The following EEA1 variants were observed in gnomAD, a reference collection of about 807,000 sequenced individuals.
EEA1 encodes the protein early endosome antigen 1, also known as early endosome antigen 1, 162kD.
Under a neutral mutation model 209.2 loss-of-function variants are expected in EEA1, and 111 were observed. The ratio of observed to expected loss-of-function variants is 0.53; its 90% CI spans 0.45 to 0.62. The LOEUF (loss-of-function observed/expected upper bound fraction) is 0.62, where lower values mean the gene tolerates loss of function less well. Ranked by LOEUF, EEA1 falls within the 20% of genes least tolerant of loss-of-function variation. EEA1 has a pLI of 0.00. For missense variants in EEA1, 1,343 were observed against 1,530.8 expected (o/e 0.88, Z 2.05); for synonymous variants, 536 against 540.6 (o/e 0.99, Z 0.12).
chr12:92,923,695 T>G (rs1881100115), intron 1 of EEA1, among the ~76,000 whole-genome samples: 1 of 152,170 alleles, frequency 6.6e-6, no homozygotes, highest in Non-Finnish European at 1.5e-5. Context: ...CACATTGTTT[T>G]GTAATTATTT....
chr12:92,853,839 G>T lies in EEA1; in HGVS notation c.406+76C>A, dbSNP rs1877744037. On this transcript the variant is annotated intron_variant, in intron 6 of 28. Transcript: ENST00000322349. ...CCATGAAACAAAATTCATTTGGCAG[G>T]CATCAAAGAAAAAGAAAGGAAAACA... The T allele has an allele frequency of 7.0e-6, 9 of 1,281,944 alleles. No homozygotes were observed. The South Asian group carries it at 1.1e-4, about 16-fold the overall frequency. The allele number at this position is 1,281,944 out of a possible 1,614,324, so 79.4% of individuals were successfully genotyped here. A position where few individuals can be genotyped will look rare whatever the true frequency, so the allele number is the denominator to read the frequency against.
intron 2 of EEA1, among the ~76,000 whole-genome samples, chr12:92,883,074 CATTTGTTT>C (rs1211832956): frequency 6.6e-6 from 1 of 152,186 alleles, no homozygotes; most frequent in Non-Finnish European, 1.5e-5. Flanking sequence ...GCCTCACCAA[CATTTGTTT>C]TTTAATATTT....
chr12:92,789,980 C>T (rs573334117), intron 21 of EEA1, among the ~76,000 whole-genome samples: 4 of 152,324 alleles, frequency 2.6e-5, no homozygotes, highest in South Asian at 4.1e-4. Flanking sequence ...CTGCAGCCTC[C>T]GCTGGTGATA....
At chr12:92,917,618 C>T (rs898863882) in intron 1 of EEA1, among the ~76,000 whole-genome samples, 10 of 151,968 alleles carry the variant, frequency 6.6e-5, no homozygotes, top group Admixed American at 1.3e-4. Context: ...AAGGAACAAC[C>T]AGTACCAGCC....
chr12:92,777,232 G>C (rs1239621944), intron 27 of EEA1, among the ~76,000 whole-genome samples: 4 of 151,794 alleles, frequency 2.6e-5, no homozygotes, highest in African/African-American at 9.7e-5. Flanking sequence ...TGGTGACTCT[G>C]AGAATATACT....
intron 18 of EEA1, 105 bp downstream of exon 18, chr12:92,808,912 A>G (rs1416015018): frequency 4.5e-6 from 4 of 883,298 alleles, no homozygotes; most frequent in African/African-American, 1.7e-5. Flanking sequence ...TAAATATCTA[A>G]TAAGTCTTTA....
chr12:92,835,543 C>T (rs1470865062), intron 10 of EEA1: 2 of 210,348 alleles, frequency 9.5e-6, no homozygotes, highest in Non-Finnish European at 1.9e-5. Context: ...TCCCAAGTAG[C>T]TAAGACTACA....
Position 92,851,193 on chromosome 12 carries a change from T to A in EEA1, c.716A>T (p.Asn239Ile). 5 of 1,614,006 alleles carry A rather than the reference T, an allele frequency of 3.1e-6. No homozygotes were observed. Among genetic ancestry groups the A allele is most frequent in the Non-Finnish European group, 4.2e-6 (5 of 1,179,926 alleles). ...TTCTCGCTCACGTTCCAAGGTCATG[T>A]TATCCATTAGTGTTTGAACTTGGAC... is the stretch of plus-strand genomic sequence containing the variant. ...ELVQVQTLMD[N>I]MTLERERESE... is the part of the protein sequence containing the mutation. Residue 239 changes from asparagine (N) to isoleucine (I), a missense_variant, in exon 9 of 29, where the codon AAC (asparagine) becomes ATC (isoleucine). Around this residue, in one of 3 missense-constraint regions of EEA1, gnomAD observed 1,307 missense variants for 1,465.5 expected, o/e 0.89. Coordinates refer to ENST00000322349, the MANE Select transcript of EEA1 (RefSeq NM_003566.4).
At chr12:92,869,769 A>AG (rs1878556358) in intron 2 of EEA1, among the ~76,000 whole-genome samples, 2 of 137,258 alleles carry the variant, frequency 1.5e-5, no homozygotes, top group Non-Finnish European at 3.1e-5. Flanking sequence ...AAAAAAAAAA[A>AG]AAAAAAAAAA....
intron 17 of EEA1, among the ~76,000 whole-genome samples, chr12:92,809,638 C>T (rs1046200122): frequency 7.3e-5 from 11 of 149,784 alleles, no homozygotes; most frequent in Admixed American, 6.0e-4. Flanking sequence ...GAGGTTGCAG[C>T]GAGCTGAGAT....
chr12:92,791,588 T>C lies in EEA1; in HGVS notation c.2968-3539A>G, dbSNP rs553908700. Among the ~76,000 whole-genome samples, 11 of 152,316 alleles carry C rather than the reference T, an allele frequency of 7.2e-5. No individual in the cohort carries two copies. The East Asian group carries it at 1.9e-3, about 27-fold the overall frequency. On this transcript the variant is annotated intron_variant, in intron 21 of 28. Transcript: ENST00000322349. ...AGAAGAGCTAACTATCCTAAATGTA[T>C]ATGCACCCAATACAGGAGCACCCAG...
At chr12:92,875,837 A>G (rs2874548) in intron 2 of EEA1, among the ~76,000 whole-genome samples, 145,889 of 152,240 alleles carry the variant, frequency 0.96, 69,951 homozygotes, top group East Asian at 1. Flanking sequence ...CTTTTTCAAC[A>G]TGACAGGCAT....
At chr12:92,806,269 G>C (rs1273503982) in intron 18 of EEA1, among the ~76,000 whole-genome samples, 1 of 152,048 alleles carries the variant, frequency 6.6e-6, no homozygotes, top group Non-Finnish European at 1.5e-5. Context: ...TAATTAAATT[G>C]ATTTTTAAAA....
intron 2 of EEA1, among the ~76,000 whole-genome samples, chr12:92,871,901 G>A (rs574663272): frequency 1.3e-5 from 2 of 152,110 alleles, no homozygotes; most frequent in African/African-American, 4.8e-5. Context: ...ATTTATTTAT[G>A]AGACAGTTTC....
chr12:92,891,767 A>C (rs1879664178), intron 1 of EEA1, 46 bp from the exon 2 acceptor site: 1 of 1,348,056 alleles, frequency 7.4e-7, no homozygotes, highest in African/African-American at 1.5e-5. Context: ...AGCAGACATT[A>C]ACAATATATT....
intron 1 of EEA1, among the ~76,000 whole-genome samples, chr12:92,899,512 T>C (rs1309886744): frequency 6.6e-6 from 1 of 152,260 alleles, no homozygotes; most frequent in East Asian, 1.9e-4. Flanking sequence ...AAGGATGTCA[T>C]GGCAGAAGGC....
rs1334249477 is a variant in EEA1, at chr12:92,776,013, A to G, written c.4234T>C (p.Ter1412GlnextTer8). The G allele has an allele frequency of 6.2e-7, 1 of 1,610,450 alleles. No individual in the cohort carries two copies. Among genetic ancestry groups the G allele is most frequent in the South Asian group, 1.1e-5 (1 of 90,646 alleles). The stretch of plus-strand genomic sequence containing the variant: ...TACTCTGAAGTTGTGATAACCCATT[A>G]TCCTTGCAAGTCATTGAAACATGCA... ...CDACFNDLQG[*>Q] The change falls in exon 29 of 29, where the codon TAA becomes CAA. Residue 1412 changes from the stop codon to glutamine, a stop_lost. Transcript: ENST00000322349.
rs138946400 is a variant in EEA1 at position 92,782,468 on chromosome 12, G to A, written c.3151-333C>T. ...ATATGAAAGAATACCAAATAAGTAGGGACCATATCAGATACACTCAGAGAA... is the reference window on the plus strand; with the variant it reads ...ATATGAAAGAATACCAAATAAGTAGAGACCATATCAGATACACTCAGAGAA... On this transcript the variant is annotated intron_variant, in intron 22 of 28. Coordinates refer to ENST00000322349, the MANE Select transcript of EEA1 (RefSeq NM_003566.4). Among the ~76,000 whole-genome samples, 1,216 of 152,090 alleles carry A rather than the reference G, an allele frequency of 8.0e-3. 14 individuals carry two copies. Among genetic ancestry groups the A allele is most frequent in the African/African-American group, 0.028 (1,155 of 41,472 alleles).
At position 92,813,099 on chromosome 12, in the gene EEA1, ACAG is replaced by A; in HGVS notation, c.1930-9_1930-7del. The A allele has an allele frequency of 6.5e-7, 1 of 1,540,694 alleles. No homozygotes were observed. Among genetic ancestry groups the A allele is most frequent in the South Asian group, 1.2e-5 (1 of 82,612 alleles). On this transcript the variant is annotated splice_region_variant and splice_polypyrimidine_tract_variant and intron_variant, in intron 15 of 28. Transcript: ENST00000322349. ...AGTTCGGTTTTGGCTTTAATCTGTA[ACAG>A]CATTTACAAATTATTTAATTTATAT... is the stretch of plus-strand genomic sequence containing the variant.
Sources: gnomAD v4.1 joint callset for allele counts (sites outside exome capture counted in the v4.1 genomes callset) on GRCh38, gnomAD v4.1.1 for gene constraint, gnomAD v4.1.1 regional missense constraint, MANE v1.5 for transcripts, NCBI Gene and HGNC (gene_info 2026-07-23, HGNC 2026-07-21) for gene names.